The following NALF1 variants were observed in gnomAD, a reference collection of about 807,000 sequenced individuals.
The protein encoded by NALF1 is NALCN channel auxiliary factor 1.
In NALF1, 3 loss-of-function variants were observed where a neutral mutation model predicts 48.4. The ratio of observed to expected loss-of-function variants is 0.06; its 90% CI spans 0.03 to 0.16. The LOEUF (loss-of-function observed/expected upper bound fraction) is 0.16. Ranked by LOEUF, NALF1 falls within the 10% of genes least tolerant of loss-of-function variation. The pLI is 1.00. For synonymous variants in NALF1, 262 were observed against 245.7 expected (o/e 1.07, Z -0.62); for missense variants, 526 against 571.5 (o/e 0.92, Z 0.81).
chr13:107,581,360 G>C (rs988122020), intron 1 of NALF1, among the ~76,000 whole-genome samples: 4 of 152,110 alleles, frequency 2.6e-5, no homozygotes, highest in Non-Finnish European at 2.9e-5. Context: ...CTATCATTCC[G>C]TATCTGATTC....
chr13:107,562,667 C>A lies in NALF1; in HGVS notation c.915+303015G>T, dbSNP rs1421644075. On this transcript the variant is annotated intron_variant, in intron 1 of 2. Coordinates refer to ENST00000375915, the MANE Select transcript of NALF1 (RefSeq NM_001080396.3). ...CAAATGTGAACTTCAAAATAACAAA[C>A]ATAATGCCATTTGTTTCCAAGACCA... Among the ~76,000 whole-genome samples the A allele has an allele frequency of 3.9e-5, 6 of 152,314 alleles. No homozygotes were observed. In the East Asian group the frequency reaches 1.2e-3, roughly 29 times the overall value.
At position 107,710,607 on chromosome 13, in the gene NALF1, A is replaced by G. The variant is rs1432384837; in HGVS notation, c.915+155075T>C. On this transcript the variant is annotated intron_variant, in intron 1 of 2. Coordinates refer to ENST00000375915, the MANE Select transcript of NALF1 (RefSeq NM_001080396.3). ...AGGAGAGAGAGTGAGAGGAAGTGCT[A>G]CACTTTTAAACCCTCAGATCTCGTG... 9.1e-3 allele frequency among the ~76,000 whole-genome samples: 1,383 copies of G among 152,108 alleles called. 19 individuals carry two copies. Among genetic ancestry groups the G allele is most frequent in the African/African-American group, 0.031 (1,305 of 41,446 alleles).
chr13:107,729,551 A>C (rs1876250406), intron 1 of NALF1, among the ~76,000 whole-genome samples: 1 of 151,946 alleles, frequency 6.6e-6, no homozygotes, highest in African/African-American at 2.4e-5. Context: ...ACCTCAGCTC[A>C]CCACAACCTC....
intron 1 of NALF1, among the ~76,000 whole-genome samples, chr13:107,484,761 A>G (rs1482337114): frequency 6.6e-6 from 1 of 152,194 alleles, no homozygotes; most frequent in African/African-American, 2.4e-5. Flanking sequence ...TAAGGGTACC[A>G]TGAAGTTCCT....
chr13:107,567,102 A>C (rs1285494823), intron 1 of NALF1, among the ~76,000 whole-genome samples: 1 of 152,258 alleles, frequency 6.6e-6, no homozygotes, highest in East Asian at 1.9e-4. Flanking sequence ...ACTGTCTTCA[A>C]CAGTTTAATG....
intron 1 of NALF1, among the ~76,000 whole-genome samples, chr13:107,270,797 A>G (rs1192811193): frequency 6.6e-6 from 1 of 150,432 alleles, no homozygotes; most frequent in African/African-American, 2.4e-5. Flanking sequence ...TATATCTCCT[A>G]ATGCTATCCC....
At chr13:107,758,292 A>C (rs1877172109) in intron 1 of NALF1, among the ~76,000 whole-genome samples, 1 of 152,238 alleles carries the variant, frequency 6.6e-6, no homozygotes, top group Non-Finnish European at 1.5e-5. Context: ...TCTGGAATAA[A>C]TGTTTATCCA....
At chr13:107,229,747 G>A (rs1880181014) in intron 1 of NALF1, among the ~76,000 whole-genome samples, 1 of 152,094 alleles carries the variant, frequency 6.6e-6, no homozygotes, top group Admixed American at 6.5e-5. Flanking sequence ...TGCTTAATTG[G>A]GTTTTGAAGG....
chr13:107,711,469 G>A (rs1875590002), intron 1 of NALF1, among the ~76,000 whole-genome samples: 1 of 152,224 alleles, frequency 6.6e-6, no homozygotes, highest in African/African-American at 2.4e-5. Flanking sequence ...TGGAGTAGCT[G>A]GGGCTACAAG....
At chr13:107,606,167 G>T (rs1181354940) in intron 1 of NALF1, among the ~76,000 whole-genome samples, 2 of 152,012 alleles carry the variant, frequency 1.3e-5, no homozygotes, top group Non-Finnish European at 2.9e-5. Flanking sequence ...TATGACAATG[G>T]TACTAGTGAG....
At chr13:107,566,391 T>C (rs748891115) in intron 1 of NALF1, among the ~76,000 whole-genome samples, 13 of 152,202 alleles carry the variant, frequency 8.5e-5, no homozygotes, top group South Asian at 2.1e-4. Flanking sequence ...CTCTGAAATG[T>C]AATGACTGTA....
At chr13:107,491,214 C>T (rs1875095534) in intron 1 of NALF1, among the ~76,000 whole-genome samples, 1 of 152,156 alleles carries the variant, frequency 6.6e-6, no homozygotes, top group Non-Finnish European at 1.5e-5. Flanking sequence ...AGACCAGGTT[C>T]AGAACATTTA....
At chr13:107,684,540 G>C (rs1402730928) in intron 1 of NALF1, among the ~76,000 whole-genome samples, 3 of 152,118 alleles carry the variant, frequency 2.0e-5, no homozygotes. Context: ...GAGGACTCTG[G>C]GGATAGAGTG....
chr13:107,616,827 C>A (rs545151618), intron 1 of NALF1, among the ~76,000 whole-genome samples: 33 of 152,284 alleles, frequency 2.2e-4, no homozygotes, highest in South Asian at 1.9e-3. Flanking sequence ...CTCCAAAACG[C>A]CTTGCTGCAT....
At chr13:107,738,181 A>G (rs1876522162) in intron 1 of NALF1, among the ~76,000 whole-genome samples, 1 of 152,182 alleles carries the variant, frequency 6.6e-6, no homozygotes, top group African/African-American at 2.4e-5. Flanking sequence ...GGGAATGCCC[A>G]TTAAAATTAT....
At chr13:107,662,000 T>G (rs898891444) in intron 1 of NALF1, among the ~76,000 whole-genome samples, 3 of 152,212 alleles carry the variant, frequency 2.0e-5, no homozygotes, top group Admixed American at 6.5e-5. Context: ...CACTTACTTC[T>G]GCTCCAAGAA....
At chr13:107,299,108 C>T (rs899482561) in intron 1 of NALF1, among the ~76,000 whole-genome samples, 1 of 152,188 alleles carries the variant, frequency 6.6e-6, no homozygotes, top group South Asian at 2.1e-4. Context: ...TGTAGAATAG[C>T]TCTCATCTGG....
At chr13:107,715,370 T>A (rs879269983) in intron 1 of NALF1, among the ~76,000 whole-genome samples, 2 of 151,994 alleles carry the variant, frequency 1.3e-5, no homozygotes, top group Admixed American at 1.3e-4. Flanking sequence ...AACTGGCTAA[T>A]TTTGTATTTT....
At chr13:107,327,484 C>T (rs1474842029) in intron 1 of NALF1, among the ~76,000 whole-genome samples, 5 of 152,334 alleles carry the variant, frequency 3.3e-5, no homozygotes, top group East Asian at 1.9e-4. Context: ...CTGTCATTCA[C>T]ATTATTTTAA....
Sources: allele counts gnomAD v4.1 joint callset (sites outside exome capture counted in the v4.1 genomes callset), GRCh38; gene constraint gnomAD v4.1.1; transcripts MANE v1.5; gene names NCBI Gene and HGNC (gene_info 2026-07-23, HGNC 2026-07-21).